The following ACP6 variants were observed in gnomAD, a reference collection of about 807,000 sequenced individuals.
The protein encoded by ACP6 is lysophosphatidic acid phosphatase type 6.
In ACP6, 48 loss-of-function variants were observed where a neutral mutation model predicts 48.1. That is an observed-to-expected ratio of 1.00 (90% CI 0.79 to 1.27). The LOEUF (loss-of-function observed/expected upper bound fraction) is 1.27, where lower values mean the gene tolerates loss of function less well. Ranked by LOEUF, ACP6 falls within the 50% of genes most tolerant of loss-of-function variation. The probability of loss-of-function intolerance (pLI) is 0.00; values close to 1 mark genes in which losing one functional copy is unlikely to be tolerated. For synonymous variants in ACP6, 172 were observed against 204.2 expected, an observed-to-expected ratio of 0.84 and a Z score of 1.34; for missense variants, 485 against 529.1, an observed-to-expected ratio of 0.92 and a Z score of 0.82.
chr1:147,647,194 T>G lies in ACP6; in HGVS notation c.*229A>C. ...AGCCCGTGTCACACAAAGATGCTTCTAACCTTAGAAACCAACTCACAAAAT... is the reference window on the plus strand; with the variant it reads ...AGCCCGTGTCACACAAAGATGCTTCGAACCTTAGAAACCAACTCACAAAAT... On this transcript the variant is annotated 3_prime_UTR_variant, in exon 10 of 10. Transcript: ENST00000583509. 1 of 513,428 alleles carries G rather than the reference T, an allele frequency of 1.9e-6. No individual in the cohort carries two copies. Among genetic ancestry groups the G allele is most frequent in the Non-Finnish European group, 3.4e-6 (1 of 292,040 alleles). 31.8% of individuals were successfully genotyped at this position (513,428 alleles called of 1,614,324 possible). A position where few individuals can be genotyped will look rare whatever the true frequency, so the allele number is the denominator to read the frequency against.
Position 147,670,319 on chromosome 1 carries a change from C to T in ACP6, c.-271G>A, listed in dbSNP as rs1328765614. 4 of 376,718 alleles carry T rather than the reference C, an allele frequency of 1.1e-5. No homozygotes were observed. Among genetic ancestry groups the T allele is most frequent in the Admixed American group, 4.3e-5 (1 of 23,342 alleles). 23.3% of individuals were successfully genotyped at this position (376,718 alleles called of 1,614,324 possible). A position where few individuals can be genotyped will look rare whatever the true frequency, so the allele number is the denominator to read the frequency against. ...TGGTCGCTCCTGCTGCACACCGGGC[C>T]GGGGGAGATCGGATCCTTATCTTTT... is the stretch of plus-strand genomic sequence containing the variant. On this transcript the variant is annotated 5_prime_UTR_variant, in exon 1 of 10. Coordinates refer to ENST00000583509, the MANE Select transcript of ACP6 (RefSeq NM_016361.5).
intron 1 of ACP6, among the ~76,000 whole-genome samples, chr1:147,664,541 T>C (rs1175728000): frequency 6.6e-6 from 1 of 152,150 alleles, no homozygotes; most frequent in African/African-American, 2.4e-5. Context: ...TTTACCAAAG[T>C]GTATTAAACG....
chr1:147,640,112 T>C (rs1659409662), downstream of ACP6, among the ~76,000 whole-genome samples: 1 of 152,160 alleles, frequency 6.6e-6, no homozygotes, highest in South Asian at 2.1e-4. Flanking sequence ...GCACCTTCCA[T>C]ACCCTTTCAC....
intron 1 of ACP6, among the ~76,000 whole-genome samples, chr1:147,660,897 T>G (rs1660515207): frequency 6.6e-6 from 1 of 152,236 alleles, no homozygotes; most frequent in Non-Finnish European, 1.5e-5. Flanking sequence ...TTTTACGTGA[T>G]GAAAATATGT....
At position 147,669,796 on chromosome 1, in the gene ACP6, G is replaced by T. The variant is rs587641276; in HGVS notation, c.219+34C>A. The T allele has an allele frequency of 5.9e-6, 9 of 1,532,946 alleles. No homozygotes were observed. In the Admixed American group the frequency reaches 1.5e-4, roughly 25 times the overall value. The allele number at this position is 1,532,946 out of a possible 1,614,324, so 95.0% of individuals were successfully genotyped here. A position where few individuals can be genotyped will look rare whatever the true frequency, so the allele number is the denominator to read the frequency against. On this transcript the variant is annotated intron_variant, in intron 1 of 9. Coordinates refer to ENST00000583509, the MANE Select transcript of ACP6 (RefSeq NM_016361.5). The stretch of plus-strand genomic sequence containing the variant: ...ACTCCTGGCCTGGCACACGGTCCTC[G>T]CCCCACCAGCCCCAGCCCGGGCCGA...
At chr1:147,630,592 T>C (rs1312406235) in exon 6 of ACP6, 1 of 152,192 alleles carries the variant, frequency 6.6e-6, no homozygotes, top group Non-Finnish European at 1.5e-5. Flanking sequence ...TCCCCATGAA[T>C]CAATCTGTGA....
chr1:147,640,353 A>G (rs1216900852), downstream of ACP6, among the ~76,000 whole-genome samples: 1 of 152,124 alleles, frequency 6.6e-6, no homozygotes, highest in African/African-American at 2.4e-5. Flanking sequence ...GTCTTCAGCC[A>G]CCAAGATCTT....
rs782414489 is a variant in ACP6 at position 147,650,153 on chromosome 1, C to T, written c.967G>A (p.Asp323Asn). Reference protein sequence around the residue: ...LKAMDSATAPDKIRKLYLYAA... With the variant: ...LKAMDSATAPNKIRKLYLYAA... ...TGCTGTGCCAGGTACCTGATCTTGT[C>T]GGGGGCAGTGGCAGAGTCCATGGCT... Residue 323 changes from aspartate to asparagine, a missense_variant, in exon 8 of 10, where the codon GAC becomes AAC. Transcript: ENST00000583509. The T allele has an allele frequency of 4.4e-6, 7 of 1,606,550 alleles. No individual in the cohort carries two copies. In the Admixed American group the frequency reaches 5.1e-5, roughly 12 times the overall value.
chr1:147,658,590 T>C (rs1309777989), intron 4 of ACP6, among the ~76,000 whole-genome samples: 5 of 152,216 alleles, frequency 3.3e-5, no homozygotes, highest in Non-Finnish European at 5.9e-5. Flanking sequence ...ATTAGGGCAG[T>C]AGCAGCAGTG....
intron 1 of ACP6, among the ~76,000 whole-genome samples, chr1:147,664,528 G>C (rs587648520): frequency 6.6e-6 from 1 of 152,302 alleles, no homozygotes; most frequent in African/African-American, 2.4e-5. Context: ...CTCTTTAGTA[G>C]CCTTTACCAA....
At chr1:147,668,617 A>C (rs1305714671) in intron 1 of ACP6, among the ~76,000 whole-genome samples, 1 of 152,174 alleles carries the variant, frequency 6.6e-6, no homozygotes, top group African/African-American at 2.4e-5. Context: ...TGTATACAAA[A>C]TCATAAGGAA....
At chr1:147,636,196 T>C (rs1659295822) in intron 5 of ACP6, among the ~76,000 whole-genome samples, 2 of 152,188 alleles carry the variant, frequency 1.3e-5, no homozygotes, top group African/African-American at 2.4e-5. Context: ...TACTGAGTTA[T>C]ACATGCTCAG....
At position 147,670,221 on chromosome 1, in the gene ACP6, G is replaced by A. The variant is rs910007512; in HGVS notation, c.-173C>T. The stretch of plus-strand genomic sequence containing the variant: ...GCCTCCCGGCCCTGAGGGAGACCCC[G>A]AGTGGGAACGGGGGAGAGAACAAGA... On this transcript the variant is annotated 5_prime_UTR_variant, in exon 1 of 10. Transcript: ENST00000583509. 3 of 603,712 alleles carry A rather than the reference G, an allele frequency of 5.0e-6. No individual in the cohort carries two copies. Among genetic ancestry groups the A allele is most frequent in the Non-Finnish European group, 5.7e-6 (2 of 350,044 alleles). The allele number at this position is 603,712 out of a possible 1,614,324, so 37.4% of individuals were successfully genotyped here.
intron 3 of ACP6, 154 bp from the exon 4 acceptor site, chr1:147,659,193 C>T (rs782761014): frequency 2.9e-6 from 3 of 1,046,582 alleles, no homozygotes; most frequent in Non-Finnish European, 4.1e-6. Flanking sequence ...GGGATGTCAG[C>T]CCCTGAGAGA....
At chr1:147,664,256 G>C (rs587611877) in intron 1 of ACP6, among the ~76,000 whole-genome samples, 1 of 152,024 alleles carries the variant, frequency 6.6e-6, no homozygotes, top group African/African-American at 2.4e-5. Context: ...AAAACCCTTC[G>C]AGGGTTCATG....
At chr1:147,649,956 T>G in intron 8 of ACP6, 187 bp downstream of exon 8, 1 of 538,126 alleles carries the variant, frequency 1.9e-6, no homozygotes, top group Non-Finnish European at 3.2e-6. Context: ...CAAAACATGG[T>G]AGGAGGGGTG....
At chr1:147,660,071 C>T (rs587616835) in intron 1 of ACP6, among the ~76,000 whole-genome samples, 1 of 152,212 alleles carries the variant, frequency 6.6e-6, no homozygotes, top group South Asian at 2.1e-4. Context: ...ACCAGAATGC[C>T]TGGCATGCGG....
chr1:147,667,508 A>G (rs1553213839), intron 1 of ACP6, among the ~76,000 whole-genome samples: 3 of 151,734 alleles, frequency 2.0e-5, no homozygotes, highest in Non-Finnish European at 4.4e-5. Flanking sequence ...GAGCCACCAC[A>G]CCCAGCCAAA....
At chr1:147,633,960 C>T (rs587749162) in intron 5 of ACP6, among the ~76,000 whole-genome samples, 8 of 152,236 alleles carry the variant, frequency 5.3e-5, no homozygotes, top group African/African-American at 1.9e-4. Flanking sequence ...CAATCATAAT[C>T]GCCATCCATC....
Sources: allele counts gnomAD v4.1 joint callset (sites outside exome capture counted in the v4.1 genomes callset), GRCh38; gene constraint gnomAD v4.1.1; transcripts MANE v1.5; gene names NCBI Gene and HGNC (gene_info 2026-07-23, HGNC 2026-07-21).